SV2B: variants seen among roughly 807,000 people sequenced by gnomAD.
The protein encoded by SV2B is synaptic vesicle glycoprotein 2B.
A neutral mutation model predicts 73.9 loss-of-function variants in SV2B; 41 were observed. The ratio of observed to expected loss-of-function variants is 0.56; its 90% confidence interval spans 0.43 to 0.72. The LOEUF is 0.72. Ranked by LOEUF, SV2B falls within the 30% of genes least tolerant of loss-of-function variation. The pLI, the probability that SV2B is intolerant of heterozygous loss-of-function variation, is 0.00. For missense variants in SV2B, 764 were observed against 857.8 expected (o/e 0.89, Z 1.37); for synonymous variants, 314 against 314.2 (o/e 1.00, Z 0.01).
intron 1 of SV2B, among the ~76,000 whole-genome samples, chr15:91,205,928 AG>A (rs1333309816): frequency 6.6e-6 from 1 of 152,212 alleles, no homozygotes; most frequent in Non-Finnish European, 1.5e-5. Context: ...GTCAGTTTCC[AG>A]GGCTTAACTT....
At chr15:91,292,282 C>T in intron 12 of SV2B, 87 bp from the exon 13 acceptor site, 1 of 1,347,378 alleles carries the variant, frequency 7.4e-7, no homozygotes, top group Non-Finnish European at 1.0e-6. Context: ...CACCCTCTTC[C>T]CCCTGCAATA....
At chr15:91,161,783 G>A (rs2043727739) in intron 1 of SV2B, among the ~76,000 whole-genome samples, 1 of 152,214 alleles carries the variant, frequency 6.6e-6, no homozygotes, top group South Asian at 2.1e-4. Flanking sequence ...CAACAAGTGT[G>A]TTAATCTGGT....
rs1422912337 is a variant in SV2B, at chr15:91,231,583, C to T, written c.451+4869C>T. 6.6e-6 allele frequency among the ~76,000 whole-genome samples: 1 copy of T among 152,130 alleles called. No individual in the cohort carries two copies. Among genetic ancestry groups the T allele is most frequent in the African/African-American group, 2.4e-5 (1 of 41,424 alleles). On this transcript the variant is annotated intron_variant, in intron 2 of 12. Transcript: ENST00000394232. This position sits in a 1 kb window ranked among gnomAD's most constrained non-coding sequence, Gnocchi z 4.5. ...AATATTGGCGACACGTAAGGCAAAC[C>T]AACCCCATCCTTTTCTGCCTGCATT...
chr15:91,194,810 G>C (rs891123174), intron 1 of SV2B, among the ~76,000 whole-genome samples: 1 of 152,110 alleles, frequency 6.6e-6, no homozygotes, highest in African/African-American at 2.4e-5. Flanking sequence ...GGATCATGGA[G>C]GATTCTTCTT....
At chr15:91,233,348 T>C (rs2046656804) in intron 2 of SV2B, among the ~76,000 whole-genome samples, 1 of 152,232 alleles carries the variant, frequency 6.6e-6, no homozygotes, top group Non-Finnish European at 1.5e-5. Flanking sequence ...CTAATGTTAC[T>C]GGACAAAGTG....
chr15:91,266,729 T>A, intron 7 of SV2B, 37 bp downstream of exon 7: 1 of 1,499,430 alleles, frequency 6.7e-7, no homozygotes, highest in South Asian at 1.2e-5. Flanking sequence ...AGGATGCGTC[T>A]CTATGGGAGT....
chr15:91,200,500 G>A (rs1567338528), intron 1 of SV2B, among the ~76,000 whole-genome samples: 1 of 152,190 alleles, frequency 6.6e-6, no homozygotes, highest in Non-Finnish European at 1.5e-5. Flanking sequence ...GTCTCAGTAT[G>A]TCAATATGGG....
At chr15:91,248,464 ATTAAT>A (rs2047344301) in intron 2 of SV2B, among the ~76,000 whole-genome samples, 2 of 152,246 alleles carry the variant, frequency 1.3e-5, no homozygotes, top group Non-Finnish European at 1.5e-5. Flanking sequence ...TTTTTAAAAA[ATTAAT>A]TTAAAATTAA....
At position 91,258,851 on chromosome 15, in the gene SV2B, G is replaced by A. The variant is rs961333863; in HGVS notation, c.918+297G>A. ...AGGGCAGCTCCTGAGCTGCCTCATG[G>A]CACCCACTGTCCCCCGAGGTCCTGA... is the stretch of plus-strand genomic sequence containing the variant. On this transcript the variant is annotated intron_variant, in intron 5 of 12. Transcript: ENST00000394232. This position sits in a 1 kb window ranked among gnomAD's most constrained non-coding sequence, Gnocchi z 4.7. Among the ~76,000 whole-genome samples, 1 of 150,906 alleles carries A rather than the reference G, an allele frequency of 6.6e-6. No individual in the cohort carries two copies. The highest frequency in any genetic ancestry group is 6.6e-5 in the Admixed American group (1 of 15,104).
chr15:91,252,440 A>G lies in SV2B; in HGVS notation c.704A>G (p.His235Arg). 1 of 1,612,944 alleles carries G rather than the reference A, an allele frequency of 6.2e-7. No individual in the cohort carries two copies. The highest frequency in any genetic ancestry group is 8.5e-7 in the Non-Finnish European group (1 of 1,179,500). The change falls in exon 4 of 13, where the codon CAC becomes CGC. Residue 235 changes from histidine (H) to arginine (R), a missense_variant. His to Arg is a conservative substitution (Grantham distance 29). Coordinates refer to ENST00000394232, the MANE Select transcript of SV2B (RefSeq NM_001323032.3). This position sits in a 1 kb window ranked among gnomAD's most constrained non-coding sequence, Gnocchi z 4.6. The stretch of plus-strand genomic sequence containing the variant: ...TTGTCTCGGGAGAAGCGAGGAGAAC[A>G]CCTCAGTTGGCTGGGCATCTTCTGG... ...EFLSREKRGE[H>R]LSWLGIFWMT...
intron 2 of SV2B, among the ~76,000 whole-genome samples, chr15:91,243,869 A>T (rs1301027463): frequency 6.6e-6 from 1 of 152,070 alleles, no homozygotes; most frequent in African/African-American, 2.4e-5. Context: ...CACATTCAGA[A>T]CCTAGAACTT....
chr15:91,123,485 G>C lies in SV2B; in HGVS notation c.-392+23122G>C, dbSNP rs550845962. 4.6e-5 allele frequency among the ~76,000 whole-genome samples: 7 copies of C among 152,136 alleles called. No homozygotes were observed. The highest frequency in any genetic ancestry group is 8.8e-5 in the Non-Finnish European group (6 of 68,028). On this transcript the variant is annotated intron_variant, in intron 1 of 12. Transcript: ENST00000394232. The surrounding 1 kb of genome is among the most constrained non-coding windows in gnomAD (Gnocchi z 4.7). ...AAGAGCTTGAGGAAGATACAGTGTA[G>C]GTAGGCCATAAAACCACAGAGCCTG...
At chr15:91,260,922 A>G (rs2047889990) in intron 6 of SV2B, among the ~76,000 whole-genome samples, 1 of 152,202 alleles carries the variant, frequency 6.6e-6, no homozygotes, top group Non-Finnish European at 1.5e-5. Flanking sequence ...CCCCATGATT[A>G]AAATTATCTC....
At chr15:91,192,030 C>T (rs1172800774) in intron 1 of SV2B, among the ~76,000 whole-genome samples, 1 of 152,080 alleles carries the variant, frequency 6.6e-6, no homozygotes, top group African/African-American at 2.4e-5. Flanking sequence ...AATATATTAG[C>T]GTGTTCTTAC....
At chr15:91,173,518 A>G (rs2044197255) in intron 1 of SV2B, among the ~76,000 whole-genome samples, 2 of 152,180 alleles carry the variant, frequency 1.3e-5, no homozygotes, top group South Asian at 4.2e-4. Flanking sequence ...TCATGATACT[A>G]CTTCCCTCAG....
intron 1 of SV2B, among the ~76,000 whole-genome samples, chr15:91,112,936 C>T (rs2042077505): frequency 6.6e-6 from 1 of 152,196 alleles, no homozygotes. Flanking sequence ...CCCACCCCAG[C>T]CTCCTGAGTA....
At position 91,268,589 on chromosome 15, in the gene SV2B, A is replaced by G. The variant is rs146893681; in HGVS notation, c.1357A>G (p.Lys453Glu). The change falls in exon 9 of 13, where the codon AAA becomes GAA. Residue 453 changes from lysine to glutamate, a missense_variant. Lys to Glu is a moderately conservative substitution (Grantham distance 56). Coordinates refer to ENST00000394232, the MANE Select transcript of SV2B (RefSeq NM_001323032.3). The surrounding 1 kb of genome is among the most constrained non-coding windows in gnomAD (Gnocchi z 4.4). ...TMENQIHQHG[K>E]LVNDKFTRMY... ...GGAAAATCAGATCCACCAACATGGG[A>G]AACTTGTGAATGATAAGTAAGTGAG... is the stretch of plus-strand genomic sequence containing the variant. 766 of 1,613,396 alleles carry G rather than the reference A, an allele frequency of 4.7e-4. 1 individual carries two copies. In the African/African-American group the frequency reaches 8.1e-3, roughly 17 times the overall value.
At chr15:91,142,403 C>T (rs964944933) in intron 1 of SV2B, among the ~76,000 whole-genome samples, 3 of 152,180 alleles carry the variant, frequency 2.0e-5, no homozygotes, top group African/African-American at 7.2e-5. Context: ...AATGCTTGCT[C>T]TTAAGTAATC....
intron 1 of SV2B, among the ~76,000 whole-genome samples, chr15:91,182,312 G>A (rs938963016): frequency 3.3e-5 from 5 of 152,144 alleles, no homozygotes; most frequent in Non-Finnish European, 5.9e-5. Flanking sequence ...TTTGCTTCAG[G>A]CCCTGCACTA....
Sources: gnomAD v4.1 joint callset for allele counts (sites outside exome capture counted in the v4.1 genomes callset) on GRCh38, gnomAD v4.1.1 for gene constraint, Gnocchi (gnomAD v3.1) non-coding constraint, MANE v1.5 for transcripts, NCBI Gene and HGNC (gene_info 2026-07-23, HGNC 2026-07-21) for gene names.